Variants in CAMTA1 observed in about 807,000 individuals in gnomAD.
CAMTA1 encodes calmodulin-binding transcription activator 1.
Under a neutral mutation model 170.9 loss-of-function variants are expected in CAMTA1, and 27 were observed. The observed-to-expected ratio is 0.16, with a 90% confidence interval of 0.12 to 0.22. CAMTA1 has a LOEUF of 0.22. Ranked by LOEUF, CAMTA1 falls within the 10% of genes least tolerant of loss-of-function variation. CAMTA1 has a pLI of 1.00. For synonymous variants in CAMTA1, 833 were observed against 891.5 expected (o/e 0.93, Z 1.17); for missense variants, 1,619 against 2,217.2 (o/e 0.73, Z 5.42).
At chr1:7,111,450 C>A (rs1045918487) in intron 4 of CAMTA1, among the ~76,000 whole-genome samples, 3 of 152,156 alleles carry the variant, frequency 2.0e-5, no homozygotes, top group African/African-American at 7.2e-5. Flanking sequence ...GCTGTCTAAT[C>A]CAATATTAAG....
At chr1:7,503,198 G>A (rs1164184597) in intron 6 of CAMTA1, among the ~76,000 whole-genome samples, 1 of 152,212 alleles carries the variant, frequency 6.6e-6, no homozygotes, top group African/African-American at 2.4e-5. Context: ...CAGACGATCA[G>A]AAAAGTGCCC....
At chr1:7,590,904 TA>T (rs2095350746) in intron 6 of CAMTA1, among the ~76,000 whole-genome samples, 1 of 152,238 alleles carries the variant, frequency 6.6e-6, no homozygotes, top group Non-Finnish European at 1.5e-5. Flanking sequence ...TTTTTAAGTA[TA>T]TTTTTACTTT....
intron 3 of CAMTA1, among the ~76,000 whole-genome samples, chr1:6,829,074 T>G (rs112768307): frequency 0.012 from 1,845 of 152,012 alleles, 21 homozygotes; most frequent in South Asian, 0.033. Context: ...TTTTTGTATT[T>G]TATAATTTTG....
intron 5 of CAMTA1, among the ~76,000 whole-genome samples, chr1:7,313,198 G>A: frequency 6.6e-6 from 1 of 152,100 alleles, no homozygotes; most frequent in Non-Finnish European, 1.5e-5. Context: ...CTGTATTTGT[G>A]AACCTTTCCC....
chr1:7,597,847 G>A (rs1329457614), intron 6 of CAMTA1, among the ~76,000 whole-genome samples: 1 of 151,946 alleles, frequency 6.6e-6, no homozygotes, highest in Non-Finnish European at 1.5e-5. Flanking sequence ...TTTACTTTAA[G>A]TGTTGGGATA....
rs779012317 is a variant in CAMTA1 at position 6,965,663 on chromosome 1, A to G, written c.235-125641A>G. ...AGAAAGTCCTGACAACAAGTAAAGA[A>G]AACTTAGCTGGCAATAAAATAAGGG... On this transcript the variant is annotated intron_variant, in intron 3 of 22. Transcript: ENST00000303635. This position sits in a 1 kb window ranked among gnomAD's most constrained non-coding sequence, Gnocchi z 4.1. Among the ~76,000 whole-genome samples the G allele has an allele frequency of 1.3e-4, 20 of 152,214 alleles. No individual in the cohort carries two copies. Among genetic ancestry groups the G allele is most frequent in the Non-Finnish European group, 2.5e-4 (17 of 68,050 alleles).
chr1:6,938,740 A>G (rs555030678), intron 3 of CAMTA1, among the ~76,000 whole-genome samples: 1 of 152,184 alleles, frequency 6.6e-6, no homozygotes, highest in South Asian at 2.1e-4. Flanking sequence ...CTGGCCTTTC[A>G]TGATCTCCTC....
intron 3 of CAMTA1, among the ~76,000 whole-genome samples, chr1:7,037,815 G>T (rs567763591): frequency 1.3e-5 from 2 of 150,236 alleles, no homozygotes; most frequent in South Asian, 4.2e-4. Context: ...TCCAGCCTGG[G>T]CAACAGAGCG....
chr1:6,839,091 A>G (rs2148671704), intron 3 of CAMTA1, among the ~76,000 whole-genome samples: 1 of 152,072 alleles, frequency 6.6e-6, no homozygotes, highest in East Asian at 2.0e-4. Flanking sequence ...TTAATGTTCC[A>G]TTTAATTTTG....
intron 5 of CAMTA1, among the ~76,000 whole-genome samples, chr1:7,394,162 G>A (rs1441657929): frequency 6.6e-6 from 1 of 152,116 alleles, no homozygotes; most frequent in East Asian, 1.9e-4. Context: ...AATAAACATG[G>A]GAGTGCAGAT....
intron 1 of CAMTA1, among the ~76,000 whole-genome samples, chr1:6,787,212 G>A (rs1001157611): frequency 2.0e-5 from 3 of 152,232 alleles, no homozygotes; most frequent in Non-Finnish European, 2.9e-5. Context: ...GGCTGGGTAA[G>A]GAGAAGCCAT....
intron 6 of CAMTA1, among the ~76,000 whole-genome samples, chr1:7,622,813 G>C (rs2095607646): frequency 6.6e-6 from 1 of 152,272 alleles, no homozygotes; most frequent in Non-Finnish European, 1.5e-5. Flanking sequence ...TAGCAAGCCA[G>C]ACAGATGTGG....
rs113028825 is a variant in CAMTA1 at position 7,148,985 on chromosome 1, G to A, written c.302+57614G>A. On this transcript the variant is annotated intron_variant, in intron 4 of 22. Coordinates refer to ENST00000303635, the MANE Select transcript of CAMTA1 (RefSeq NM_015215.4). ...CCTTGCTGGCAGCTGTCAGGGGTGC[G>A]TGTGTCCAGTGGAGTGGGGCTTCCT... Among the ~76,000 whole-genome samples the A allele has an allele frequency of 9.6e-3, 1,460 of 152,354 alleles. 26 individuals carry two copies. The highest frequency in any genetic ancestry group is 0.033 in the African/African-American group (1,370 of 41,580).
chr1:7,376,035 C>A (rs1192948409), intron 5 of CAMTA1, among the ~76,000 whole-genome samples: 1 of 152,204 alleles, frequency 6.6e-6, no homozygotes, highest in East Asian at 1.9e-4. Context: ...AGACTAAGAG[C>A]CCCTGAGTCC....
chr1:7,707,643 C>A (rs1194026075), intron 11 of CAMTA1, among the ~76,000 whole-genome samples: 1 of 152,192 alleles, frequency 6.6e-6, no homozygotes. Flanking sequence ...TCCCAAAGTG[C>A]TGAGATCACA....
At chr1:7,735,165 A>G (rs565122468) in intron 12 of CAMTA1, among the ~76,000 whole-genome samples, 6 of 152,312 alleles carry the variant, frequency 3.9e-5, no homozygotes, top group African/African-American at 9.6e-5. Flanking sequence ...TTCTTTAAGG[A>G]AAAAACAGTC....
intron 3 of CAMTA1, among the ~76,000 whole-genome samples, chr1:7,076,453 A>G (rs1391722865): frequency 1.3e-5 from 2 of 152,134 alleles, no homozygotes; most frequent in Non-Finnish European, 2.9e-5. Flanking sequence ...CTTATCTTTC[A>G]TCTTACTCCT....
intron 5 of CAMTA1, among the ~76,000 whole-genome samples, chr1:7,347,392 C>T (rs2084304672): frequency 6.6e-6 from 1 of 152,212 alleles, no homozygotes; most frequent in South Asian, 2.1e-4. Flanking sequence ...CGGGCCTCTG[C>T]CGTCACACCA....
At chr1:7,606,702 G>A (rs1557993784) in intron 6 of CAMTA1, among the ~76,000 whole-genome samples, 2 of 152,178 alleles carry the variant, frequency 1.3e-5, no homozygotes, top group South Asian at 4.1e-4. Context: ...TCCTCTCCAG[G>A]GGATGGGAAC....
Sources: gnomAD v4.1 joint callset for allele counts (sites outside exome capture counted in the v4.1 genomes callset) on GRCh38, gnomAD v4.1.1 for gene constraint, Gnocchi (gnomAD v3.1) non-coding constraint, MANE v1.5 for transcripts, NCBI Gene and HGNC (gene_info 2026-07-23, HGNC 2026-07-21) for gene names.